Variants in GULP1 observed in about 807,000 individuals in gnomAD.
GULP1 encodes GULP PTB domain containing engulfment adaptor 1.
A neutral mutation model predicts 40.9 loss-of-function variants in GULP1; 19 were observed. The ratio of observed to expected loss-of-function variants is 0.46; its 90% CI spans 0.32 to 0.68. GULP1 has a LOEUF of 0.68. Ranked by LOEUF, GULP1 falls within the 30% of genes least tolerant of loss-of-function variation. GULP1 has a pLI of 0.03. For synonymous variants in GULP1, 119 were observed against 117.6 expected, an observed-to-expected ratio of 1.01 and a Z score of -0.08; for missense variants, 312 against 362.2, an observed-to-expected ratio of 0.86 and a Z score of 1.12.
intron 2 of GULP1, among the ~76,000 whole-genome samples, chr2:188,384,958 G>A (rs2049487424): frequency 6.6e-6 from 1 of 152,164 alleles, no homozygotes; most frequent in Non-Finnish European, 1.5e-5. Flanking sequence ...CTGCTTTCAT[G>A]GGCTGACATT....
At chr2:188,470,983 A>G (rs2060541674) in intron 2 of GULP1, among the ~76,000 whole-genome samples, 1 of 152,160 alleles carries the variant, frequency 6.6e-6, no homozygotes, top group Non-Finnish European at 1.5e-5. Context: ...TGTCTGGAAC[A>G]TCGGTTTAGT....
chr2:188,402,727 TC>T (rs531784513), intron 2 of GULP1, among the ~76,000 whole-genome samples: 124 of 152,130 alleles, frequency 8.2e-4, no homozygotes, highest in African/African-American at 2.9e-3. Flanking sequence ...GCCTTTTCTT[TC>T]CCCCTTCTAG....
intron 2 of GULP1, among the ~76,000 whole-genome samples, chr2:188,392,297 C>T (rs2152556666): frequency 7.5e-6 from 1 of 132,526 alleles, no homozygotes; most frequent in East Asian, 2.6e-4. Flanking sequence ...TTGGTTTGTT[C>T]AGGGTTTTTA....
At chr2:188,470,714 A>G (rs958916171) in intron 2 of GULP1, among the ~76,000 whole-genome samples, 14 of 152,112 alleles carry the variant, frequency 9.2e-5, no homozygotes, top group African/African-American at 3.4e-4. Context: ...ATATATTTGT[A>G]TAGTTTTCAG....
At chr2:188,301,713 G>A (rs1402316914) in intron 1 of GULP1, among the ~76,000 whole-genome samples, 2 of 152,122 alleles carry the variant, frequency 1.3e-5, no homozygotes, top group African/African-American at 4.8e-5. Flanking sequence ...AAGGGGAATG[G>A]GTAGAAAAGA....
chr2:188,526,044 G>A (rs546813477), intron 5 of GULP1, among the ~76,000 whole-genome samples: 2 of 152,220 alleles, frequency 1.3e-5, no homozygotes, highest in South Asian at 2.1e-4. Flanking sequence ...TATTCCATTA[G>A]TAGTTTACTT....
At chr2:188,477,544 T>C (rs899579773) in intron 2 of GULP1, 115 bp from the exon 3 acceptor site, 3 of 564,814 alleles carry the variant, frequency 5.3e-6, no homozygotes, top group Non-Finnish European at 9.3e-6. Flanking sequence ...TTTAGAATAT[T>C]GTTTGTAAAT....
chr2:188,295,114 C>T (rs1574167077), intron 1 of GULP1, among the ~76,000 whole-genome samples: 1 of 152,074 alleles, frequency 6.6e-6, no homozygotes, highest in Admixed American at 6.6e-5. Context: ...ATACACAAGA[C>T]CAGTTATTTT....
intron 2 of GULP1, among the ~76,000 whole-genome samples, chr2:188,399,701 A>AT (rs1467933387): frequency 6.7e-6 from 1 of 149,286 alleles, no homozygotes; most frequent in African/African-American, 2.5e-5. Flanking sequence ...AAAAAAAAAA[A>AT]AAAAAAAAAA....
At chr2:188,525,936 T>C (rs1686060532) in intron 5 of GULP1, among the ~76,000 whole-genome samples, 1 of 152,210 alleles carries the variant, frequency 6.6e-6, no homozygotes, top group Non-Finnish European at 1.5e-5. Flanking sequence ...TTATTAGAAA[T>C]ACTTTAAATT....
rs1028851915 is a variant in GULP1 at position 188,543,792 on chromosome 2, C to A, written c.399+2474C>A. Among the ~76,000 whole-genome samples, 3 of 152,140 alleles carry A rather than the reference C, an allele frequency of 2.0e-5. No homozygotes were observed. The East Asian group carries it at 5.8e-4, about 29-fold the overall frequency. On this transcript the variant is annotated intron_variant, in intron 7 of 11. Coordinates refer to ENST00000409830, the MANE Select transcript of GULP1 (RefSeq NM_016315.4). ...TTATCTCATCATGCTATATTACTCC[C>A]ATAACTGTGGCCTCCTCTAGAGTTC...
chr2:188,434,796 C>G (rs536170191), intron 2 of GULP1, among the ~76,000 whole-genome samples: 1 of 151,668 alleles, frequency 6.6e-6, no homozygotes, highest in African/African-American at 2.4e-5. Flanking sequence ...TTGCTTTTAG[C>G]TCATTTTGAA....
intron 7 of GULP1, among the ~76,000 whole-genome samples, chr2:188,555,800 C>T (rs1388956672): frequency 1.3e-5 from 2 of 152,004 alleles, no homozygotes; most frequent in Non-Finnish European, 2.9e-5. Context: ...GTGGCTTATA[C>T]CTGTAATCTC....
At chr2:188,359,929 A>G (rs2045877560) in intron 1 of GULP1, among the ~76,000 whole-genome samples, 1 of 152,162 alleles carries the variant, frequency 6.6e-6, no homozygotes, top group Non-Finnish European at 1.5e-5. Flanking sequence ...ATCAGTGAGT[A>G]AATGAACCAG....
chr2:188,491,511 T>C (rs1375981635), intron 4 of GULP1: 1 of 152,020 alleles, frequency 6.6e-6, no homozygotes, highest in Non-Finnish European at 1.5e-5. Flanking sequence ...CACCAAGATT[T>C]TGGAAATAAT....
chr2:188,416,834 A>G (rs2054650290), intron 2 of GULP1, among the ~76,000 whole-genome samples: 1 of 152,250 alleles, frequency 6.6e-6, no homozygotes, highest in Non-Finnish European at 1.5e-5. Flanking sequence ...TTAATCAGAT[A>G]TAGTTAGGAA....
At chr2:188,521,245 G>A (rs1466865429) in intron 4 of GULP1, among the ~76,000 whole-genome samples, 1 of 152,056 alleles carries the variant, frequency 6.6e-6, no homozygotes, top group Non-Finnish European at 1.5e-5. Flanking sequence ...ATTCTAATTG[G>A]TATTGAACAT....
intron 1 of GULP1, among the ~76,000 whole-genome samples, chr2:188,343,329 A>C (rs1370887448): frequency 1.3e-5 from 2 of 151,936 alleles, no homozygotes; most frequent in African/African-American, 4.9e-5. Context: ...GGTGATCTAT[A>C]CATACTTAAA....
chr2:188,578,428 A>C (rs764867517), intron 9 of GULP1, among the ~76,000 whole-genome samples: 5 of 152,036 alleles, frequency 3.3e-5, no homozygotes, highest in Non-Finnish European at 7.4e-5. Flanking sequence ...TATAGGGCTT[A>C]AAACCTAGAT....
Sources: gnomAD v4.1 joint callset for allele counts (sites outside exome capture counted in the v4.1 genomes callset) on GRCh38, gnomAD v4.1.1 for gene constraint, MANE v1.5 for transcripts, NCBI Gene and HGNC (gene_info 2026-07-23, HGNC 2026-07-21) for gene names.